The following CHST11 variants were observed in gnomAD, a reference collection of about 807,000 sequenced individuals.
CHST11 encodes the protein carbohydrate sulfotransferase 11, also known as C4S-1.
Under a neutral mutation model 30.4 loss-of-function variants are expected in CHST11, and 9 were observed. The observed-to-expected ratio is 0.30, with a 90% CI of 0.18 to 0.52. The LOEUF (loss-of-function observed/expected upper bound fraction) is 0.52, where lower values mean the gene tolerates loss of function less well. Ranked by LOEUF, CHST11 falls within the 20% of genes least tolerant of loss-of-function variation. CHST11 has a pLI of 0.97. For missense variants in CHST11, 348 were observed against 460.6 expected (o/e 0.76, Z 2.24); for synonymous variants, 152 against 187.8 (o/e 0.81, Z 1.56).
rs1359873887 is a variant in CHST11, at chr12:104,756,945, G to A, written c.205-4G>A. On this transcript the variant is annotated splice_polypyrimidine_tract_variant and splice_region_variant and intron_variant, in intron 2 of 2. Coordinates refer to ENST00000303694, the MANE Select transcript of CHST11 (RefSeq NM_018413.6). ...TTCTTATTCGTCTTGTGTCTCCTCT[G>A]CAGCTGGAGCTCTCAAACACTGCTG... 2 of 1,608,320 alleles carry A rather than the reference G, an allele frequency of 1.2e-6. No individual in the cohort carries two copies. The highest frequency in any genetic ancestry group is 4.5e-5 in the East Asian group (2 of 44,792).
chr12:104,613,609 A>T (rs1333058090), intron 2 of CHST11, among the ~76,000 whole-genome samples: 1 of 152,098 alleles, frequency 6.6e-6, no homozygotes, highest in Non-Finnish European at 1.5e-5. Context: ...GCCATGTAAG[A>T]TGTGCCTGCT....
intron 2 of CHST11, among the ~76,000 whole-genome samples, chr12:104,638,167 A>G (rs2039343752): frequency 6.6e-6 from 1 of 152,204 alleles, no homozygotes; most frequent in South Asian, 2.1e-4. Flanking sequence ...GAGGAGCAAA[A>G]TGAGAAGGAG....
Position 104,676,860 on chromosome 12 carries a change from CG to C in CHST11, c.204+74870del, listed in dbSNP as rs1358832713. Among the ~76,000 whole-genome samples the C allele has an allele frequency of 6.6e-6, 1 of 152,192 alleles. No individual in the cohort carries two copies. Among genetic ancestry groups the C allele is most frequent in the Non-Finnish European group, 1.5e-5 (1 of 68,040 alleles). ...AGGGATTAGGATGCGGCCTTTTGGG[CG>C]TGTCATTCTGCCTAGCACAGATGGC... is the stretch of plus-strand genomic sequence containing the variant. On this transcript the variant is annotated intron_variant, in intron 2 of 2. Coordinates refer to ENST00000303694, the MANE Select transcript of CHST11 (RefSeq NM_018413.6). The surrounding 1 kb of genome is among the most constrained non-coding windows in gnomAD (Gnocchi z 4.4).
At chr12:104,623,131 TG>T in intron 2 of CHST11, among the ~76,000 whole-genome samples, 1 of 152,344 alleles carries the variant, frequency 6.6e-6, no homozygotes, top group East Asian at 1.9e-4. Flanking sequence ...TGAATGGGCG[TG>T]GCCAGATTTC....
At chr12:104,719,755 T>C (rs1483228277) in intron 2 of CHST11, among the ~76,000 whole-genome samples, 1 of 152,140 alleles carries the variant, frequency 6.6e-6, no homozygotes, top group African/African-American at 2.4e-5. Flanking sequence ...GGCTGTGGCA[T>C]GGAGGATGGA....
rs189152590 is a variant in CHST11, at chr12:104,498,099, T to G, written c.118+40570T>G. Among the ~76,000 whole-genome samples, 166 of 152,016 alleles carry G rather than the reference T, an allele frequency of 1.1e-3. 1 individual carries two copies. Among genetic ancestry groups the G allele is most frequent in the African/African-American group, 3.8e-3 (159 of 41,450 alleles). ...ACACTTGGCTAATTTTTTGTATTTT[T>G]AGTAGAGATGGGGTTTTGCCGTGTT... On this transcript the variant is annotated intron_variant, in intron 1 of 2. Coordinates refer to ENST00000303694, the MANE Select transcript of CHST11 (RefSeq NM_018413.6).
At chr12:104,735,691 G>T (rs1005709518) in intron 2 of CHST11, among the ~76,000 whole-genome samples, 31 of 152,342 alleles carry the variant, frequency 2.0e-4, no homozygotes, top group African/African-American at 7.0e-4. Context: ...GAAATCACAG[G>T]GGTCCAGTGC....
chr12:104,645,611 C>A (rs1202465697), intron 2 of CHST11, among the ~76,000 whole-genome samples: 1 of 152,136 alleles, frequency 6.6e-6, no homozygotes, highest in Non-Finnish European at 1.5e-5. Context: ...CACTCACCTT[C>A]CCCTGCTGGT....
At position 104,688,068 on chromosome 12, in the gene CHST11, C is replaced by G. The variant is rs1254631269; in HGVS notation, c.205-68881C>G. Among the ~76,000 whole-genome samples, 3 of 152,250 alleles carry G rather than the reference C, an allele frequency of 2.0e-5. No homozygotes were observed. The East Asian group carries it at 5.8e-4, about 29-fold the overall frequency. On this transcript the variant is annotated intron_variant, in intron 2 of 2. Coordinates refer to ENST00000303694, the MANE Select transcript of CHST11 (RefSeq NM_018413.6). ...TGGGCCTTCTGATTCTTAGAAAACGCAAAGATGTGGTCATTTGTGTGGCTG... is the reference window on the plus strand; with the variant it reads ...TGGGCCTTCTGATTCTTAGAAAACGGAAAGATGTGGTCATTTGTGTGGCTG...
intron 1 of CHST11, among the ~76,000 whole-genome samples, chr12:104,460,052 A>G (rs919737575): frequency 6.6e-6 from 1 of 152,196 alleles, no homozygotes; most frequent in Non-Finnish European, 1.5e-5. Flanking sequence ...TTATTAAGCT[A>G]CACTGTTAAT....
intron 2 of CHST11, among the ~76,000 whole-genome samples, chr12:104,649,349 G>A (rs2039469606): frequency 6.6e-6 from 1 of 152,040 alleles, no homozygotes; most frequent in African/African-American, 2.4e-5. Flanking sequence ...CATGTACAGG[G>A]CATTGTATTA....
chr12:104,640,485 G>A (rs969784030), intron 2 of CHST11, among the ~76,000 whole-genome samples: 9 of 152,188 alleles, frequency 5.9e-5, no homozygotes, highest in Admixed American at 2.0e-4. Flanking sequence ...AAAAGGCTAC[G>A]TTCTGTATGA....
At chr12:104,506,244 G>A (rs2037903635) in intron 1 of CHST11, among the ~76,000 whole-genome samples, 1 of 152,178 alleles carries the variant, frequency 6.6e-6, no homozygotes, top group South Asian at 2.1e-4. Flanking sequence ...GTCACCTATT[G>A]CAGGAGTATT....
At chr12:104,714,919 G>A (rs949381434) in intron 2 of CHST11, among the ~76,000 whole-genome samples, 1 of 152,174 alleles carries the variant, frequency 6.6e-6, no homozygotes, top group African/African-American at 2.4e-5. Flanking sequence ...AAGACCTAAT[G>A]TTCCGATCCA....
At chr12:104,680,450 G>A (rs2039784222) in intron 2 of CHST11, among the ~76,000 whole-genome samples, 1 of 152,206 alleles carries the variant, frequency 6.6e-6, no homozygotes, top group African/African-American at 2.4e-5. Context: ...ATGTGGCCAG[G>A]CAGGCACACA....
intron 1 of CHST11, among the ~76,000 whole-genome samples, chr12:104,528,195 G>A (rs185358043): frequency 3.3e-5 from 5 of 152,280 alleles, no homozygotes; most frequent in East Asian, 1.9e-4. Flanking sequence ...TACTGAGCAC[G>A]TTCTATACAC....
chr12:104,496,608 G>C (rs1182997368), intron 1 of CHST11, among the ~76,000 whole-genome samples: 1 of 152,108 alleles, frequency 6.6e-6, no homozygotes, highest in Non-Finnish European at 1.5e-5. Flanking sequence ...ATTCTAACAG[G>C]GCCAATTAAG....
At chr12:104,580,647 CTTG>C (rs2038734171) in intron 1 of CHST11, among the ~76,000 whole-genome samples, 2 of 152,318 alleles carry the variant, frequency 1.3e-5, no homozygotes, top group Non-Finnish European at 1.5e-5. Flanking sequence ...TTTCTCTCTA[CTTG>C]TTGTAATTTA....
intron 1 of CHST11, among the ~76,000 whole-genome samples, chr12:104,531,034 G>A (rs1331162801): frequency 6.6e-6 from 1 of 152,194 alleles, no homozygotes; most frequent in Non-Finnish European, 1.5e-5. Flanking sequence ...TGGAGCTGTA[G>A]CCAGCTTTCA....
Sources: allele counts gnomAD v4.1 joint callset (sites outside exome capture counted in the v4.1 genomes callset), GRCh38; gene constraint gnomAD v4.1.1; non-coding constraint Gnocchi (gnomAD v3.1); transcripts MANE v1.5; gene names NCBI Gene and HGNC (gene_info 2026-07-23, HGNC 2026-07-21).